Variants in NCKAP5 observed in about 807,000 individuals in gnomAD.
The protein encoded by NCKAP5 is nck-associated protein 5.
Under a neutral mutation model 167.0 loss-of-function variants are expected in NCKAP5, and 92 were observed. The ratio of observed to expected loss-of-function variants is 0.55; its 90% CI spans 0.47 to 0.66. NCKAP5 has a LOEUF of 0.66. NCKAP5 is among the 30% of genes least tolerant of loss of function. NCKAP5 has a pLI of 0.00. For missense variants in NCKAP5, 2,378 were observed against 2,315.0 expected, an observed-to-expected ratio of 1.03 and a Z score of -0.56; for synonymous variants, 891 against 877.4, an observed-to-expected ratio of 1.02 and a Z score of -0.27.
intron 11 of NCKAP5, among the ~76,000 whole-genome samples, chr2:132,801,670 C>A (rs1402336374): frequency 1.3e-5 from 2 of 152,190 alleles, no homozygotes. Context: ...GGGGACCTGG[C>A]AATGCCAGGG....
intron 17 of NCKAP5, among the ~76,000 whole-genome samples, chr2:132,730,088 T>C (rs1690842585): frequency 6.6e-6 from 1 of 152,148 alleles, no homozygotes; most frequent in Non-Finnish European, 1.5e-5. Context: ...ACCACAGATA[T>C]TATGTCAGGA....
chr2:133,017,761 C>T (rs1303266626), intron 6 of NCKAP5, among the ~76,000 whole-genome samples: 1 of 151,986 alleles, frequency 6.6e-6, no homozygotes, highest in African/African-American at 2.4e-5. Context: ...CCAGTCTCCC[C>T]AAACACATGA....
At chr2:133,528,141 G>T (rs918809068) in intron 2 of NCKAP5, among the ~76,000 whole-genome samples, 1 of 151,998 alleles carries the variant, frequency 6.6e-6, no homozygotes, top group Non-Finnish European at 1.5e-5. Flanking sequence ...CTAGAAAGTA[G>T]AGTTAGGTTT....
At chr2:132,826,079 A>G (rs1687106352) in intron 11 of NCKAP5, among the ~76,000 whole-genome samples, 1 of 152,226 alleles carries the variant, frequency 6.6e-6, no homozygotes, top group Non-Finnish European at 1.5e-5. Flanking sequence ...GGTAAGAGAT[A>G]ACTAATCCTT....
chr2:133,157,918 C>T (rs2083633649), intron 5 of NCKAP5, among the ~76,000 whole-genome samples: 1 of 152,112 alleles, frequency 6.6e-6, no homozygotes, highest in African/African-American at 2.4e-5. Flanking sequence ...TACAATCACC[C>T]CATATAACTG....
intron 19 of NCKAP5, among the ~76,000 whole-genome samples, chr2:132,675,841 T>TA (rs554167462): frequency 0.12 from 16,844 of 140,646 alleles, 3,125 homozygotes; most frequent in African/African-American, 0.4. Flanking sequence ...GACCATTATT[T>TA]AAAAAAAAAA....
chr2:133,065,317 A>G (rs2080153634), intron 6 of NCKAP5, among the ~76,000 whole-genome samples: 1 of 152,236 alleles, frequency 6.6e-6, no homozygotes, highest in East Asian at 1.9e-4. Context: ...AGCCATTTCT[A>G]TAGTTTTCCT....
chr2:133,138,951 C>T (rs2082898509), intron 5 of NCKAP5, among the ~76,000 whole-genome samples: 2 of 152,130 alleles, frequency 1.3e-5, no homozygotes, highest in South Asian at 4.1e-4. Context: ...AGTGTGGCCA[C>T]CTGGAACTCA....
intron 6 of NCKAP5, among the ~76,000 whole-genome samples, chr2:133,027,875 C>A (rs7572006): frequency 0.29 from 43,779 of 152,008 alleles, 6,743 homozygotes; most frequent in East Asian, 0.34. Context: ...TGAGTTTCTA[C>A]TTGCATGTTA....
intron 6 of NCKAP5, among the ~76,000 whole-genome samples, chr2:133,090,602 G>A (rs2081143970): frequency 1.3e-5 from 2 of 152,152 alleles, no homozygotes; most frequent in Non-Finnish European, 2.9e-5. Context: ...CCAGAACTGT[G>A]AGACAATAAA....
chr2:132,928,883 G>A lies in NCKAP5; in HGVS notation c.579+34837C>T, dbSNP rs140545616. ...TGCCTGTAATCCCAACACTTTGAGA[G>A]ACCAAGGCAGGAGAACAGCTGGAGG... On this transcript the variant is annotated intron_variant, in intron 8 of 19. Coordinates refer to ENST00000409261, the MANE Select transcript of NCKAP5 (RefSeq NM_207363.3). Among the ~76,000 whole-genome samples, 623 of 152,168 alleles carry A rather than the reference G, an allele frequency of 4.1e-3. 11 individuals are homozygous for A. In the East Asian group the frequency reaches 0.044, roughly 11 times the overall value.
chr2:133,022,703 T>C (rs1338872320), intron 6 of NCKAP5, among the ~76,000 whole-genome samples: 1 of 152,232 alleles, frequency 6.6e-6, no homozygotes, highest in South Asian at 2.1e-4. Flanking sequence ...GATGGTAATA[T>C]GCTTCTAGAT....
chr2:133,666,976 T>C, the NCKAP5 span, among the ~76,000 whole-genome samples: 1 of 152,072 alleles, frequency 6.6e-6, no homozygotes, highest in Admixed American at 6.5e-5. Flanking sequence ...TTGAACTATT[T>C]GGTAGAACTG....
intron 6 of NCKAP5, among the ~76,000 whole-genome samples, chr2:133,020,910 A>C (rs570734016): frequency 1.3e-5 from 2 of 152,224 alleles, no homozygotes; most frequent in East Asian, 3.9e-4. Context: ...GAGCCCATGG[A>C]GTGGAAGGTG....
Position 132,937,559 on chromosome 2 carries a change from G to A in NCKAP5, c.579+26161C>T, listed in dbSNP as rs117558270. ...AGAGTTCACATTCTAAAACTCATAC[G>A]TTAGGAATTAGGACCAGTGGATAGA... On this transcript the variant is annotated intron_variant, in intron 8 of 19. Transcript: ENST00000409261. Among the ~76,000 whole-genome samples, 67 of 152,248 alleles carry A rather than the reference G, an allele frequency of 4.4e-4. No individual in the cohort carries two copies. The East Asian group carries it at 4.8e-3, about 11-fold the overall frequency.
intron 4 of NCKAP5, among the ~76,000 whole-genome samples, chr2:133,278,877 C>T (rs1036421935): frequency 6.0e-5 from 9 of 150,426 alleles, no homozygotes; most frequent in East Asian, 3.9e-4. Context: ...ATTCACAAAA[C>T]GACACGCAAG....
At chr2:133,374,869 G>T (rs903693977) in intron 3 of NCKAP5, among the ~76,000 whole-genome samples, 5 of 152,182 alleles carry the variant, frequency 3.3e-5, no homozygotes, top group Non-Finnish European at 5.9e-5. Context: ...CATCAGGAAA[G>T]CACTCACTAA....
intron 3 of NCKAP5, among the ~76,000 whole-genome samples, chr2:133,503,478 T>C (rs1172888969): frequency 6.6e-6 from 1 of 152,216 alleles, no homozygotes; most frequent in East Asian, 1.9e-4. Flanking sequence ...AGCTGGGTCT[T>C]TTTTTATGAC....
chr2:133,429,336 T>C (rs1280525892), intron 3 of NCKAP5, among the ~76,000 whole-genome samples: 2 of 152,150 alleles, frequency 1.3e-5, no homozygotes, highest in South Asian at 2.1e-4. Flanking sequence ...ATGCAGTACA[T>C]GTGCAGGTTT....
Sources: allele counts gnomAD v4.1 joint callset (sites outside exome capture counted in the v4.1 genomes callset), GRCh38; gene constraint gnomAD v4.1.1; transcripts MANE v1.5; gene names NCBI Gene and HGNC (gene_info 2026-07-23, HGNC 2026-07-21).